Variants in SCN10A observed in about 807,000 individuals in gnomAD.
The protein encoded by SCN10A is sodium channel protein type 10 subunit alpha.
A neutral mutation model predicts 170.7 loss-of-function variants in SCN10A; 162 were observed. The observed-to-expected ratio is 0.95, with a 90% CI of 0.84 to 1.08. SCN10A has a LOEUF of 1.08. SCN10A is among the 50% of genes least tolerant of loss of function. The pLI is 0.00. For synonymous variants in SCN10A, 985 were observed against 904.6 expected (o/e 1.09, Z -1.59); for missense variants, 2,527 against 2,436.9 (o/e 1.04, Z -0.78).
At chr3:38,747,264 C>CTA (rs2063701466) in intron 13 of SCN10A, among the ~76,000 whole-genome samples, 1 of 152,150 alleles carries the variant, frequency 6.6e-6, no homozygotes, top group Non-Finnish European at 1.5e-5. Flanking sequence ...TCCTTTTTAT[C>CTA]AGTTCACACT....
chr3:38,789,059 A>C, intron 3 of SCN10A, 23 bp from the exon 4 acceptor site: 2 of 1,422,236 alleles, frequency 1.4e-6, no homozygotes, highest in Non-Finnish European at 9.9e-7. Context: ...TGTTAAGGAA[A>C]AGCTGAGATC....
intron 4 of SCN10A, among the ~76,000 whole-genome samples, chr3:38,774,219 A>T (rs1449764320): frequency 1.3e-5 from 2 of 152,036 alleles, no homozygotes; most frequent in Non-Finnish European, 2.9e-5. Context: ...TTTCCCCCCC[A>T]CACTCTTTAT....
chr3:38,799,881 C>T (rs950862842), intron 1 of SCN10A, among the ~76,000 whole-genome samples: 4 of 152,034 alleles, frequency 2.6e-5, no homozygotes, highest in Non-Finnish European at 4.4e-5. Flanking sequence ...TAAAATTGTT[C>T]GCTGGTCCTA....
At chr3:38,765,053 A>T (rs1273449487) in intron 5 of SCN10A, among the ~76,000 whole-genome samples, 3 of 150,904 alleles carry the variant, frequency 2.0e-5, no homozygotes, top group Non-Finnish European at 3.0e-5. Context: ...TTTGGATGGG[A>T]TTATTTGTTT....
At chr3:38,763,824 G>C (rs2063902697) in intron 5 of SCN10A, among the ~76,000 whole-genome samples, 1 of 152,206 alleles carries the variant, frequency 6.6e-6, no homozygotes, top group African/African-American at 2.4e-5. Context: ...AGGCAACACT[G>C]CATGTGGACG....
At chr3:38,719,041 T>C (rs1559420299) in intron 20 of SCN10A, among the ~76,000 whole-genome samples, 1 of 152,160 alleles carries the variant, frequency 6.6e-6, no homozygotes. Context: ...TCAGGGCCAA[T>C]GGGGACAAAC....
At chr3:38,770,533 G>C (rs1284379361) in intron 5 of SCN10A, among the ~76,000 whole-genome samples, 2 of 152,040 alleles carry the variant, frequency 1.3e-5, no homozygotes, top group Non-Finnish European at 1.5e-5. Context: ...GGAAGTGGGG[G>C]ATAGCTGCTA....
intron 14 of SCN10A, among the ~76,000 whole-genome samples, chr3:38,740,250 C>T (rs1479769046): frequency 6.6e-6 from 1 of 152,156 alleles, no homozygotes; most frequent in Non-Finnish European, 1.5e-5. Context: ...CTCTAAGATT[C>T]TTTTAGGCTC....
chr3:38,761,837 T>A (rs201091432), intron 6 of SCN10A, among the ~76,000 whole-genome samples: 2,561 of 144,684 alleles, frequency 0.018, 73 homozygotes, highest in East Asian at 0.11. Context: ...TGTGTGTGTG[T>A]GAGAGAGAGA....
At chr3:38,714,161 C>G (rs1575942058) in intron 21 of SCN10A, 81 bp from the exon 22 acceptor site, 1 of 1,547,972 alleles carries the variant, frequency 6.5e-7, no homozygotes, top group South Asian at 1.2e-5. Flanking sequence ...AACTCCCTGC[C>G]CAGCCTCCCA....
rs2063900177 is a variant in SCN10A at position 38,763,594 on chromosome 3, T to C, written c.602A>G (p.Tyr201Cys). 6.2e-7 allele frequency: 1 copy of C among 1,613,018 alleles called. No homozygotes were observed. The highest frequency in any genetic ancestry group is 2.2e-5 in the East Asian group (1 of 44,874). ...ACGGAGATCTATTGCTGTGCCAACA[T>C]ATCTGTAGGACCAGAAGTTAGTCAG... ...WLDFSVITLA[Y>C]VGTAIDLRGI... Residue 201 changes from tyrosine to cysteine, a missense_variant and splice_region_variant, in exon 6 of 28, where the codon TAT becomes TGT. Transcript: ENST00000449082.
At chr3:38,718,862 C>CT in intron 20 of SCN10A, 36 bp from the exon 21 acceptor site, 1 of 1,604,070 alleles carries the variant, frequency 6.2e-7, no homozygotes, top group Non-Finnish European at 8.5e-7. Flanking sequence ...GGCAGGCTGC[C>CT]TGGACCCACA....
At chr3:38,733,979 A>G (rs959031618) in intron 15 of SCN10A, among the ~76,000 whole-genome samples, 18 of 150,460 alleles carry the variant, frequency 1.2e-4, no homozygotes, top group African/African-American at 4.2e-4. Flanking sequence ...CTGCGCCTCC[A>G]ACAGTGCTGG....
In SCN10A at chr3:38,789,055, G is replaced by A. The variant is rs1228170503; in HGVS notation, c.390-19C>T. 6.6e-7 allele frequency: 1 copy of A among 1,515,520 alleles called. No individual in the cohort carries two copies. The allele number at this position is 1,515,520 out of a possible 1,614,324, so 93.9% of individuals were successfully genotyped here. ...GAACCACCTGAAAGGCCTGTGTTAA[G>A]GAAAAGCTGAGATCACCAAGTCTCT... On this transcript the variant is annotated intron_variant, in intron 3 of 27. Coordinates refer to ENST00000449082, the MANE Select transcript of SCN10A (RefSeq NM_006514.4).
At chr3:38,805,067 G>A (rs2064396973) in intron 1 of SCN10A, among the ~76,000 whole-genome samples, 1 of 152,064 alleles carries the variant, frequency 6.6e-6, no homozygotes, top group African/African-American at 2.4e-5. Flanking sequence ...GGGTGTTTGG[G>A]ATATTGTTGT....
At position 38,697,399 on chromosome 3, in the gene SCN10A, G is replaced by A; in HGVS notation, c.5821C>T (p.Gln1941Ter). Residue 1941 changes from glutamine to a stop codon, truncating the protein, a stop_gained, in exon 28 of 28, where the codon CAA (glutamine) becomes TAA (stop). Coordinates refer to ENST00000449082, the MANE Select transcript of SCN10A (RefSeq NM_006514.4). LOFTEE classifies it low-confidence loss of function (END_TRUNC). ...ATACTGGTGGCTTCATCTTCATTTTGTATTGAGCTAGATGTCCTCATGTTG... is the reference window on the plus strand; with the variant it reads ...ATACTGGTGGCTTCATCTTCATTTTATATTGAGCTAGATGTCCTCATGTTG... ...RVNMRTSSSI[Q>*]NEDEATSMEL... is the part of the protein sequence containing the mutation. 3 of 1,614,212 alleles carry A rather than the reference G, an allele frequency of 1.9e-6. No individual in the cohort carries two copies. Among genetic ancestry groups the A allele is most frequent in the Non-Finnish European group, 2.5e-6 (3 of 1,180,036 alleles).
intron 24 of SCN10A, 137 bp from the exon 25 acceptor site, chr3:38,709,752 G>A: frequency 1.3e-6 from 1 of 742,500 alleles, no homozygotes; most frequent in East Asian, 2.9e-5. Context: ...GAATGAGGGA[G>A]TGGGGAAGAA....
At chr3:38,799,466 G>C (rs545508892) in intron 1 of SCN10A, among the ~76,000 whole-genome samples, 84 of 152,278 alleles carry the variant, frequency 5.5e-4, no homozygotes, top group African/African-American at 2.0e-3. Flanking sequence ...TTGTTGAAAA[G>C]TATAGAAGAC....
rs1406169129 is a variant in SCN10A at position 38,702,058 on chromosome 3, T to A, written c.4438A>T (p.Ile1480Phe). The A allele has an allele frequency of 1.3e-6, 2 of 1,591,420 alleles. No individual in the cohort carries two copies. The highest frequency in any genetic ancestry group is 8.6e-7 in the Non-Finnish European group (1 of 1,168,856). ...AGGCAGATGAGGACCATGATGGTGA[T>A]GTCAAAAGCTTGTCTGGTCACGATG... The part of the protein sequence containing the change: ...FDIVTRQAFD[I>F]TIMVLICLNM... Residue 1480 changes from isoleucine (I) to phenylalanine (F), a missense_variant, in exon 27 of 28, where the codon ATC (isoleucine) becomes TTC (phenylalanine). Transcript: ENST00000449082.
Sources: gnomAD v4.1 joint callset for allele counts (sites outside exome capture counted in the v4.1 genomes callset) on GRCh38, gnomAD v4.1.1 for gene constraint, MANE v1.5 for transcripts, NCBI Gene and HGNC (gene_info 2026-07-23, HGNC 2026-07-21) for gene names.